GPR176: variants seen among roughly 807,000 people sequenced by gnomAD.
The protein encoded by GPR176 is G protein-coupled receptor 176, also known as G-protein coupled receptor 176.
In GPR176, 26 loss-of-function variants were observed where a neutral mutation model predicts 35.4. The observed-to-expected ratio is 0.74, with a 90% CI of 0.54 to 1.02. The LOEUF is 1.02. GPR176 is among the 50% of genes least tolerant of loss of function. The probability of loss-of-function intolerance (pLI) is 0.00; values close to 1 mark genes in which losing one functional copy is unlikely to be tolerated. For missense variants in GPR176, 597 were observed against 665.3 expected, an observed-to-expected ratio of 0.90 and a Z score of 1.13; for synonymous variants, 278 against 271.3, an observed-to-expected ratio of 1.02 and a Z score of -0.24.
At chr15:39,916,543 A>G (rs2033730792) in intron 1 of GPR176, among the ~76,000 whole-genome samples, 1 of 152,244 alleles carries the variant, frequency 6.6e-6, no homozygotes, top group Non-Finnish European at 1.5e-5. Flanking sequence ...AAGAGGTACA[A>G]GACACCAGTA....
chr15:39,880,835 A>T (rs1225439846), intron 1 of GPR176, among the ~76,000 whole-genome samples: 1 of 152,178 alleles, frequency 6.6e-6, no homozygotes, highest in Non-Finnish European at 1.5e-5. Flanking sequence ...CCCTTGCCTA[A>T]GTCCTCATTA....
intron 1 of GPR176, among the ~76,000 whole-genome samples, chr15:39,811,915 CAAAAA>C (rs1423143703): frequency 1.3e-5 from 1 of 75,624 alleles, no homozygotes. Context: ...GACTCCGTCT[CAAAAA>C]AAAAAAAAAA....
intron 1 of GPR176, among the ~76,000 whole-genome samples, chr15:39,912,701 T>C (rs1261570063): frequency 1.3e-5 from 2 of 152,174 alleles, no homozygotes; most frequent in Non-Finnish European, 2.9e-5. Context: ...ATGGCTTATT[T>C]AGATTTAGAT....
chr15:39,882,601 T>C (rs1412187019), intron 1 of GPR176, among the ~76,000 whole-genome samples: 1 of 152,212 alleles, frequency 6.6e-6, no homozygotes, highest in Non-Finnish European at 1.5e-5. Context: ...AGGAAGAAGG[T>C]GTGACACAAA....
intron 1 of GPR176, among the ~76,000 whole-genome samples, chr15:39,919,028 T>C (rs1051944183): frequency 6.6e-6 from 1 of 152,222 alleles, no homozygotes; most frequent in African/African-American, 2.4e-5. Context: ...CAGACCTTAA[T>C]AGAAATGAAT....
chr15:39,817,854 T>A (rs1240498611), intron 1 of GPR176, among the ~76,000 whole-genome samples: 7 of 152,212 alleles, frequency 4.6e-5, no homozygotes, highest in Non-Finnish European at 1.0e-4. Context: ...ATTAAACAAC[T>A]GAGTTTCATA....
chr15:39,894,584 G>C lies in GPR176; in HGVS notation c.172+25271C>G, dbSNP rs910367134. On this transcript the variant is annotated intron_variant, in intron 1 of 2. Coordinates refer to ENST00000561100, the MANE Select transcript of GPR176 (RefSeq NM_007223.3). The stretch of plus-strand genomic sequence containing the variant: ...AGGTGCTCCTCACATCCCAGACGGG[G>C]CGGCAGGGCAGAGGCGCTCCCCACA... 9.8e-5 allele frequency: 18 copies of C among 183,062 alleles called. No individual in the cohort carries two copies. The Admixed American group carries it at 1.1e-3, about 11-fold the overall frequency. The allele number at this position is 183,062 out of a possible 1,614,324, so 11.3% of individuals were successfully genotyped here. A position where few individuals can be genotyped will look rare whatever the true frequency, so the allele number is the denominator to read the frequency against.
chr15:39,878,354 A>G (rs1285222424), intron 1 of GPR176, among the ~76,000 whole-genome samples: 1 of 152,088 alleles, frequency 6.6e-6, no homozygotes, highest in Non-Finnish European at 1.5e-5. Context: ...TCCACATATA[A>G]GTGAAATCAT....
At chr15:39,903,016 C>G (rs1283617011) in intron 1 of GPR176, among the ~76,000 whole-genome samples, 2 of 152,186 alleles carry the variant, frequency 1.3e-5, no homozygotes, top group African/African-American at 4.8e-5. Context: ...ATTTTCAGTA[C>G]AGTATTTAAT....
At chr15:39,827,699 T>C (rs1180648972) in intron 1 of GPR176, among the ~76,000 whole-genome samples, 1 of 152,214 alleles carries the variant, frequency 6.6e-6, no homozygotes, top group African/African-American at 2.4e-5. Context: ...ATCTATTAGA[T>C]TGGTGCAATT....
intron 1 of GPR176, among the ~76,000 whole-genome samples, chr15:39,897,962 C>G (rs1050045363): frequency 6.6e-6 from 1 of 152,150 alleles, no homozygotes; most frequent in Non-Finnish European, 1.5e-5. Flanking sequence ...TCTTAACCAG[C>G]AAGTGACCCT....
Position 39,802,229 on chromosome 15 carries a change from C to T in GPR176, c.451G>A (p.Glu151Lys). 1 of 1,611,536 alleles carries T rather than the reference C, an allele frequency of 6.2e-7. No homozygotes were observed. Among genetic ancestry groups the T allele is most frequent in the South Asian group, 1.1e-5 (1 of 90,676 alleles). Residue 151 changes from glutamate (E) to lysine (K), a missense_variant, in exon 3 of 3, where the codon GAG becomes AAG. By Grantham distance (56) the Glu-to-Lys change is moderately conservative (BLOSUM62 1). Around this residue, in one of 3 missense-constraint regions of GPR176, gnomAD observed 220 missense variants for 297.6 expected, o/e 0.74. Transcript: ENST00000561100. ...GACTTGGCATCAGATATTTTCCTCT[C>T]CAGTGGATAGAGGACTGAGTAGTAC... ...DRYYSVLYPL[E>K]RKISDAKSRE...
At chr15:39,824,028 A>T (rs1412066664) in intron 1 of GPR176, among the ~76,000 whole-genome samples, 1 of 152,182 alleles carries the variant, frequency 6.6e-6, no homozygotes, top group African/African-American at 2.4e-5. Flanking sequence ...ATGGGGGTGG[A>T]TCCCTTATGA....
At chr15:39,898,419 A>C (rs2033181424) in intron 1 of GPR176, among the ~76,000 whole-genome samples, 1 of 152,354 alleles carries the variant, frequency 6.6e-6, no homozygotes, top group South Asian at 2.1e-4. Context: ...TTATTCTTGA[A>C]TTATACAAAT....
intron 1 of GPR176, among the ~76,000 whole-genome samples, chr15:39,883,864 AGGACACTGTG>A (rs78504818): frequency 0.27 from 40,450 of 152,000 alleles, 5,925 homozygotes; most frequent in Non-Finnish European, 0.34. Context: ...GCAACAAAAA[AGGACACTGTG>A]TGATTACAAA....
intron 1 of GPR176, among the ~76,000 whole-genome samples, chr15:39,864,702 C>T (rs2917835): frequency 1 from 152,225 of 152,226 alleles, 76,112 homozygotes; most frequent in Non-Finnish European, 1. Context: ...TGGGACTTAA[C>T]CCAACTAAAA....
At chr15:39,838,798 C>T (rs1204350440) in intron 1 of GPR176, among the ~76,000 whole-genome samples, 3 of 152,192 alleles carry the variant, frequency 2.0e-5, no homozygotes, top group Admixed American at 2.0e-4. Context: ...TCTCTCACCA[C>T]TCCTATTCAA....
intron 1 of GPR176, among the ~76,000 whole-genome samples, chr15:39,890,410 A>C (rs2032828182): frequency 6.6e-6 from 1 of 152,216 alleles, no homozygotes; most frequent in African/African-American, 2.4e-5. Flanking sequence ...ACAGTTTATG[A>C]AACTTAACAG....
rs758695723 is a variant in GPR176, at chr15:39,919,871, G to A, written c.156C>T (p.Phe52=). 1.4e-6 allele frequency: 2 copies of A among 1,462,346 alleles called. No individual in the cohort carries two copies. Among genetic ancestry groups the A allele is most frequent in the Admixed American group, 5.4e-5 (2 of 37,192 alleles). 90.6% of individuals were successfully genotyped at this position (1,462,346 alleles called of 1,614,324 possible). Residue 52 remains phenylalanine, a synonymous_variant, in exon 1 of 3, where the codon TTC becomes TTT. Transcript: ENST00000561100. ...GAGGCTTACCGAGCAGCGAGCCTAT[G>A]AAGATGACGACCTGCACGGTGGTGG... The part of the protein sequence containing the change: ...QFTTTVQVVI[F]IGSLLGNFMV...
Sources: allele counts gnomAD v4.1 joint callset (sites outside exome capture counted in the v4.1 genomes callset), GRCh38; gene constraint gnomAD v4.1.1; regional missense constraint gnomAD v4.1.1; transcripts MANE v1.5; gene names NCBI Gene and HGNC (gene_info 2026-07-23, HGNC 2026-07-21).